Variants in ETFB observed in about 807,000 individuals in gnomAD.
The protein encoded by ETFB is electron transfer flavoprotein subunit beta, also known as beta-ETF.
In ETFB, 20 loss-of-function variants were observed where a neutral mutation model predicts 25.6. The ratio of observed to expected loss-of-function variants is 0.78; its 90% CI spans 0.55 to 1.14. ETFB has a LOEUF of 1.14. ETFB is among the 50% of genes most tolerant of loss of function. The pLI is 0.00. For synonymous variants in ETFB, 142 were observed against 146.7 expected, an observed-to-expected ratio of 0.97 and a Z score of 0.23; for missense variants, 286 against 342.6, an observed-to-expected ratio of 0.83 and a Z score of 1.30.
intron 1 of ETFB, chr19:51,354,518 A>G: frequency 1.9e-6 from 3 of 1,614,152 alleles, no homozygotes; most frequent in Middle Eastern, 1.6e-4. Flanking sequence ...TCATCCAGCC[A>G]TTCCTGGGTA....
intron 1 of ETFB, among the ~76,000 whole-genome samples, chr19:51,363,748 C>A (rs12975262): frequency 0.48 from 72,439 of 151,900 alleles, 18,714 homozygotes; most frequent in Non-Finnish European, 0.58. Context: ...CGCGCCTGGC[C>A]GAGAATCACT....
chr19:51,361,470 C>T (rs1986224284), intron 1 of ETFB, among the ~76,000 whole-genome samples: 1 of 152,154 alleles, frequency 6.6e-6, no homozygotes, highest in Admixed American at 6.5e-5. Flanking sequence ...CACGTGTGCC[C>T]TGTCAGACAA....
At chr19:51,358,841 A>C (rs1245160602) in intron 1 of ETFB, among the ~76,000 whole-genome samples, 5,161 of 150,900 alleles carry the variant, frequency 0.034, 289 homozygotes, top group African/African-American at 0.11. Context: ...CAAAAAAAAA[A>C]AAAAAAAAAC....
At chr19:51,354,823 A>T in intron 1 of ETFB, 1 of 642,332 alleles carries the variant, frequency 1.6e-6, no homozygotes, top group Non-Finnish European at 2.7e-6. Context: ...GCTGCCCAGC[A>T]CAGAAGCCTT....
chr19:51,354,990 G>C (rs1369212841), intron 1 of ETFB: 1 of 304,834 alleles, frequency 3.3e-6, no homozygotes, highest in Non-Finnish European at 6.3e-6. Context: ...CTTTGTGCTT[G>C]CCTAAAGACG....
chr19:51,359,303 C>T (rs1986163783), intron 1 of ETFB, among the ~76,000 whole-genome samples: 1 of 151,804 alleles, frequency 6.6e-6, no homozygotes, highest in Non-Finnish European at 1.5e-5. Context: ...AGTGATCCGC[C>T]TGCTTCAGCC....
intron 1 of ETFB, among the ~76,000 whole-genome samples, chr19:51,358,159 C>G (rs886997804): frequency 5.3e-5 from 8 of 152,204 alleles, no homozygotes; most frequent in African/African-American, 1.9e-4. Flanking sequence ...TCCCATGTGG[C>G]CGCCACCCAG....
At chr19:51,348,558 C>T (rs544978333) in intron 4 of ETFB, 1 of 152,022 alleles carries the variant, frequency 6.6e-6, no homozygotes, top group African/African-American at 2.4e-5. Context: ...AGTTAAAGAC[C>T]AGCTTGGGCA....
Position 51,366,359 on chromosome 19 carries a change from G to A in ETFB, c.-33C>T, listed in dbSNP as rs754140700. On this transcript the variant is annotated 5_prime_UTR_variant, in exon 1 of 6. Transcript: ENST00000309244. ...CCGCAGCCACTTACAGGGTCAGCCC[G>A]CACCCTCAGCGGCTCAGTCCAGAAG... is the stretch of plus-strand genomic sequence containing the variant. 3.7e-6 allele frequency: 6 copies of A among 1,605,914 alleles called. No individual in the cohort carries two copies. Among genetic ancestry groups the A allele is most frequent in the Admixed American group, 3.4e-5 (2 of 59,486 alleles).
intron 5 of ETFB, 127 bp from the exon 6 acceptor site, chr19:51,345,508 G>T: frequency 1.1e-6 from 1 of 928,860 alleles, no homozygotes; most frequent in Non-Finnish European, 1.7e-6. Flanking sequence ...CCACCCACTG[G>T]CCAGGACACG....
chr19:51,366,210 G>A, intron 1 of ETFB, 60 bp downstream of exon 1: 2 of 1,540,580 alleles, frequency 1.3e-6, no homozygotes, highest in East Asian at 2.2e-5. Context: ...GTGTGCGCTC[G>A]TGGCCCCGGA....
Position 51,354,315 on chromosome 19 carries a change from A to T in ETFB, c.58-7T>A. The T allele has an allele frequency of 6.2e-7, 1 of 1,614,176 alleles. No homozygotes were observed. Among genetic ancestry groups the T allele is most frequent in the Non-Finnish European group, 8.5e-7 (1 of 1,180,038 alleles). On this transcript the variant is annotated splice_polypyrimidine_tract_variant and splice_region_variant and intron_variant, in intron 1 of 5. Transcript: ENST00000309244. ...TGTCAGGCTTCACTCGGATCTGCCC[A>T]GCAGGAGGGGAAGGGGTGGGGTCAG...
At chr19:51,363,318 A>G (rs1002785699) in intron 1 of ETFB, among the ~76,000 whole-genome samples, 3 of 152,110 alleles carry the variant, frequency 2.0e-5, no homozygotes, top group Non-Finnish European at 4.4e-5. Flanking sequence ...GAGGATCCCA[A>G]TCCAGTCTGG....
At chr19:51,361,252 A>G (rs1986218029) in intron 1 of ETFB, among the ~76,000 whole-genome samples, 1 of 151,958 alleles carries the variant, frequency 6.6e-6, no homozygotes, top group Non-Finnish European at 1.5e-5. Flanking sequence ...TTATAAAGTG[A>G]TTTTCGACAG....
intron 1 of ETFB, chr19:51,355,388 T>A (rs997909665): frequency 1.3e-5 from 2 of 152,138 alleles, no homozygotes; most frequent in African/African-American, 4.8e-5. Flanking sequence ...AAAATCACAA[T>A]GAGATACCGT....
chr19:51,362,528 T>TCGTTC (rs1986258360), intron 1 of ETFB, among the ~76,000 whole-genome samples: 1 of 152,158 alleles, frequency 6.6e-6, no homozygotes, highest in African/African-American at 2.4e-5. Context: ...TGAGCTGAGA[T>TCGTTC]CATGCCACTG....
At chr19:51,365,493 A>T (rs1286260376) in intron 1 of ETFB, 1 of 152,514 alleles carries the variant, frequency 6.6e-6, no homozygotes, top group Admixed American at 6.5e-5. Context: ...GTAAGTCCCC[A>T]GGCTGATGGG....
chr19:51,355,987 A>C lies in ETFB; in HGVS notation c.58-1679T>G, dbSNP rs373759468. 15 of 151,788 alleles carry C rather than the reference A, an allele frequency of 9.9e-5. 1 individual carries two copies. The highest frequency in any genetic ancestry group is 3.3e-4 in the Admixed American group (5 of 15,250). The allele number at this position is 151,788 out of a possible 1,614,324, so 9.4% of individuals were successfully genotyped here. A position where few individuals can be genotyped will look rare whatever the true frequency, so the allele number is the denominator to read the frequency against. On this transcript the variant is annotated intron_variant, in intron 1 of 5. Transcript: ENST00000309244. Reference sequence around the variant, plus strand: ...GGGATAGCATTAGGAGATATACCTAATGCTAAAGGACGAGTTACTGGGTGC... The same window carrying C: ...GGGATAGCATTAGGAGATATACCTACTGCTAAAGGACGAGTTACTGGGTGC...
At chr19:51,357,488 TTC>T (rs776171049) in intron 1 of ETFB, among the ~76,000 whole-genome samples, 6,758 of 119,782 alleles carry the variant, frequency 0.056, 939 homozygotes, top group African/African-American at 0.21. Flanking sequence ...TTTTCTTTCT[TTC>T]TTTTTTTTTT....
Sources: allele counts gnomAD v4.1 joint callset (sites outside exome capture counted in the v4.1 genomes callset), GRCh38; gene constraint gnomAD v4.1.1; transcripts MANE v1.5; gene names NCBI Gene and HGNC (gene_info 2026-07-23, HGNC 2026-07-21).